JAM2: variants seen among roughly 807,000 people sequenced by gnomAD.
JAM2 encodes junctional adhesion molecule 2, also known as junctional adhesion molecule B.
A neutral mutation model predicts 42.0 loss-of-function variants in JAM2; 17 were observed. The observed-to-expected ratio is 0.40, with a 90% CI of 0.28 to 0.61. The LOEUF is 0.61. Among genes scored for constraint, JAM2 ranks in the 20% least tolerant of loss-of-function variants. The probability of loss-of-function intolerance (pLI) is 0.37; values close to 1 mark genes in which losing one functional copy is unlikely to be tolerated. For missense variants in JAM2, 319 were observed against 358.3 expected, an observed-to-expected ratio of 0.89 and a Z score of 0.89; for synonymous variants, 118 against 128.6, an observed-to-expected ratio of 0.92 and a Z score of 0.56.
Position 25,639,744 on chromosome 21 carries a change from C to G in JAM2, c.-78C>G, listed in dbSNP as rs1437236835. The G allele has an allele frequency of 1.1e-6, 1 of 937,860 alleles. No individual in the cohort carries two copies. Among genetic ancestry groups the G allele is most frequent in the Non-Finnish European group, 1.6e-6 (1 of 621,254 alleles). 58.1% of individuals were successfully genotyped at this position (937,860 alleles called of 1,614,324 possible). On this transcript the variant is annotated 5_prime_UTR_variant, in exon 1 of 10. Coordinates refer to ENST00000480456, the MANE Select transcript of JAM2 (RefSeq NM_021219.4). The stretch of plus-strand genomic sequence containing the variant: ...CTGCTCCTTTCCCGCCCCAGAAGTT[C>G]AAGGGCCCCCGGCCTCCTGCGCTCC...
Position 25,702,231 on chromosome 21 carries a change from T to C in JAM2, c.659T>C (p.Val220Ala). The change falls in exon 6 of 10, where the codon GTT (valine) becomes GCT (alanine). Residue 220 changes from valine (V) to alanine (A), a missense_variant. By Grantham distance (64) the Val-to-Ala change is moderately conservative. Coordinates refer to ENST00000480456, the MANE Select transcript of JAM2 (RefSeq NM_021219.4). The stretch of plus-strand genomic sequence containing the variant: ...TATTCCTGTGAAGCCCGCAATTCTG[T>C]TGGATATCGCAGGTGTCCTGGGAAA... ...GEYSCEARNS[V>A]GYRRCPGKRM... The C allele has an allele frequency of 6.3e-7, 1 of 1,599,158 alleles. No homozygotes were observed. The highest frequency in any genetic ancestry group is 8.6e-7 in the Non-Finnish European group (1 of 1,168,678).
At chr21:25,693,986 T>G in intron 4 of JAM2, 78 bp downstream of exon 4, 1 of 1,361,818 alleles carries the variant, frequency 7.3e-7, no homozygotes, top group Non-Finnish European at 1.0e-6. Flanking sequence ...CAAGCACTGG[T>G]CCATAAACAT....
At chr21:25,676,911 A>G (rs1252460903) in intron 1 of JAM2, among the ~76,000 whole-genome samples, 3 of 152,254 alleles carry the variant, frequency 2.0e-5, no homozygotes, top group Non-Finnish European at 4.4e-5. Flanking sequence ...AAAACAAGGT[A>G]GAAATCTTAT....
At chr21:25,666,478 C>G (rs972559917) in intron 1 of JAM2, among the ~76,000 whole-genome samples, 1 of 152,076 alleles carries the variant, frequency 6.6e-6, no homozygotes, top group Non-Finnish European at 1.5e-5. Flanking sequence ...GCACCCGCCA[C>G]CACACCCGGC....
chr21:25,699,031 C>A, intron 5 of JAM2, 152 bp downstream of exon 5: 1 of 672,492 alleles, frequency 1.5e-6, no homozygotes, highest in Non-Finnish European at 2.5e-6. Flanking sequence ...GCACTTGTAC[C>A]ACGAAGTGAT....
At chr21:25,698,653 T>C (rs1446490472) in intron 4 of JAM2, 24 bp from the exon 5 acceptor site, 1 of 1,589,116 alleles carries the variant, frequency 6.3e-7, no homozygotes, top group Non-Finnish European at 8.6e-7. Flanking sequence ...AAATAATCAA[T>C]ATCATTTGAC....
At chr21:25,650,583 T>C (rs1374614992) in intron 1 of JAM2, among the ~76,000 whole-genome samples, 4 of 152,246 alleles carry the variant, frequency 2.6e-5, no homozygotes. Context: ...TAAAAGAGGA[T>C]ATGTCCTGAC....
rs2033934965 is a variant in JAM2 at position 25,693,796 on chromosome 21, C to T, written c.282C>T (p.Ile94=). The change falls in exon 4 of 10, where the codon ATC becomes ATT. Residue 94 remains isoleucine (I), a synonymous_variant. Transcript: ENST00000480456. ...KNRAEMIDFN[I]RIKNVTRSDA... Reference sequence around the variant, plus strand: ...GAGCTGAGATGATAGATTTCAATATCCGGATCAAAAATGTGACAAGAAGTG... The same window carrying T: ...GAGCTGAGATGATAGATTTCAATATTCGGATCAAAAATGTGACAAGAAGTG... The T allele has an allele frequency of 1.9e-6, 3 of 1,613,884 alleles. No individual in the cohort carries two copies. The African/African-American group carries it at 4.0e-5, about 22-fold the overall frequency.
chr21:25,691,357 A>C (rs1367504468), intron 3 of JAM2, among the ~76,000 whole-genome samples: 1 of 152,180 alleles, frequency 6.6e-6, no homozygotes, highest in African/African-American at 2.4e-5. Flanking sequence ...ATTTTATGCA[A>C]CACTATTTAT....
chr21:25,700,602 C>T (rs113334893), intron 5 of JAM2, among the ~76,000 whole-genome samples: 5 of 152,124 alleles, frequency 3.3e-5, no homozygotes, highest in African/African-American at 7.2e-5. Context: ...CTCAAGTGAT[C>T]GCTCGCCTGG....
chr21:25,680,993 A>C (rs929332285), intron 1 of JAM2, among the ~76,000 whole-genome samples: 3 of 152,200 alleles, frequency 2.0e-5, no homozygotes, highest in African/African-American at 7.2e-5. Context: ...TGTCCGTTAG[A>C]TATGCCAACA....
In JAM2 at chr21:25,717,492, T is replaced by C; in HGVS notation, c.*2820T>C. The C allele has an allele frequency of 7.2e-6, 6 of 829,848 alleles. No homozygotes were observed. In the Middle Eastern group the frequency reaches 1.4e-3, roughly 199 times the overall value. The allele number at this position is 829,848 out of a possible 1,614,324, so 51.4% of individuals were successfully genotyped here. A position where few individuals can be genotyped will look rare whatever the true frequency, so the allele number is the denominator to read the frequency against. ...TCTGGACCAATTGATTGCTTTTCAA[T>C]ACAACTTTGCAAAGAACTTCCTTTT... On this transcript the variant is annotated 3_prime_UTR_variant, in exon 10 of 10. Coordinates refer to ENST00000480456, the MANE Select transcript of JAM2 (RefSeq NM_021219.4).
At chr21:25,695,752 G>GAT (rs2034002910) in intron 4 of JAM2, among the ~76,000 whole-genome samples, 1 of 150,110 alleles carries the variant, frequency 6.7e-6, no homozygotes, top group South Asian at 2.1e-4. Context: ...CTTCTCAGAC[G>GAT]GGGTGGCCGG....
At chr21:25,709,346 ATAAAT>A in intron 7 of JAM2, 83 bp from the exon 8 acceptor site, 1 of 732,412 alleles carries the variant, frequency 1.4e-6, no homozygotes, top group Non-Finnish European at 2.2e-6. Flanking sequence ...ATTAATAAAA[ATAAAT>A]TAAACCCAAA....
chr21:25,640,054 A>G (rs970511213), intron 1 of JAM2, among the ~76,000 whole-genome samples, 166 bp downstream of exon 1: 29 of 152,254 alleles, frequency 1.9e-4, no homozygotes, highest in African/African-American at 7.0e-4. Context: ...GGTGCCCGCG[A>G]GCGGACGCTG....
chr21:25,710,236 A>AT (rs1175313574), intron 8 of JAM2: 1 of 152,272 alleles, frequency 6.6e-6, no homozygotes, highest in Non-Finnish European at 1.5e-5. Context: ...GTTAACAGTC[A>AT]TTTTTTTATA....
chr21:25,709,286 T>C (rs1019774663), intron 7 of JAM2, 148 bp from the exon 8 acceptor site: 1 of 471,874 alleles, frequency 2.1e-6, no homozygotes, highest in Non-Finnish European at 3.8e-6. Flanking sequence ...CCAAAAAAGT[T>C]TGCCAACTCT....
intron 7 of JAM2, among the ~76,000 whole-genome samples, chr21:25,707,775 A>C (rs1278281201): frequency 6.6e-6 from 1 of 152,220 alleles, no homozygotes; most frequent in Non-Finnish European, 1.5e-5. Context: ...TTGAATTATA[A>C]ATTTATAGCA....
At position 25,689,899 on chromosome 21, in the gene JAM2, C is replaced by T; in HGVS notation, c.167C>T (p.Thr56Ile). The change falls in exon 3 of 10, where the codon ACT becomes ATT. Residue 56 changes from threonine to isoleucine, a missense_variant. Coordinates refer to ENST00000480456, the MANE Select transcript of JAM2 (RefSeq NM_021219.4). ...AILACKTPKK[T>I]VSSRLEWKKL... is the part of the protein sequence containing the mutation. The stretch of plus-strand genomic sequence containing the variant: ...TTAGCCTGCAAAACCCCAAAGAAGA[C>T]TGTTTCCTCCAGATTAGAGTGGAAG... 6.2e-7 allele frequency: 1 copy of T among 1,613,662 alleles called. No individual in the cohort carries two copies. The highest frequency in any genetic ancestry group is 1.3e-5 in the African/African-American group (1 of 75,048).
Sources: allele counts gnomAD v4.1 joint callset (sites outside exome capture counted in the v4.1 genomes callset), GRCh38; gene constraint gnomAD v4.1.1; transcripts MANE v1.5; gene names NCBI Gene and HGNC (gene_info 2026-07-23, HGNC 2026-07-21).